Variants in KNDC1 observed in about 807,000 individuals in gnomAD.
The protein encoded by KNDC1 is kinase non-catalytic C-lobe domain containing 1.
Under a neutral mutation model 172.8 loss-of-function variants are expected in KNDC1, and 106 were observed. That is an observed-to-expected ratio of 0.61 (90% CI 0.52 to 0.72). The LOEUF (loss-of-function observed/expected upper bound fraction) is 0.72, where lower values mean the gene tolerates loss of function less well. KNDC1 is among the 30% of genes least tolerant of loss of function. The pLI, the probability that KNDC1 is intolerant of heterozygous loss-of-function variation, is 0.00. For missense variants in KNDC1, 2,325 were observed against 2,394.5 expected (o/e 0.97, Z 0.61); for synonymous variants, 1,083 against 1,062.2 (o/e 1.02, Z -0.38).
chr10:133,202,815 C>T (rs964116328), intron 17 of KNDC1: 47 of 379,300 alleles, frequency 1.2e-4, no homozygotes, highest in Admixed American at 1.2e-4. Flanking sequence ...GAAAGACCCG[C>T]ATGGTGCTAC....
intron 5 of KNDC1, 98 bp downstream of exon 5, chr10:133,184,087 C>A: frequency 1.6e-6 from 1 of 628,710 alleles, no homozygotes; most frequent in South Asian, 2.2e-5. Context: ...CATGCACACA[C>A]ACACACTGCA....
chr10:133,168,942 C>T (rs535114687), intron 3 of KNDC1, among the ~76,000 whole-genome samples: 35 of 152,354 alleles, frequency 2.3e-4, no homozygotes, highest in South Asian at 8.3e-4. Flanking sequence ...CCTGTGTGGC[C>T]GGCTGGAGAG....
At chr10:133,189,121 C>T (rs1390025271) in intron 7 of KNDC1, among the ~76,000 whole-genome samples, 1 of 152,188 alleles carries the variant, frequency 6.6e-6, no homozygotes, top group African/African-American at 2.4e-5. Flanking sequence ...CTAGCCCTGC[C>T]AGACATCAGG....
At position 133,163,138 on chromosome 10, in the gene KNDC1, A is replaced by T. The variant is rs1853030382; in HGVS notation, c.102+2569A>T. On this transcript the variant is annotated intron_variant, in intron 1 of 29. Transcript: ENST00000304613. The surrounding 1 kb of genome is among the most constrained non-coding windows in gnomAD (Gnocchi z 4.4). The stretch of plus-strand genomic sequence containing the variant: ...AATCCAGGCAGAACAGCGGCTGCAG[A>T]AGAGGCACACAGTCCAGGCGGCTGG... 6.6e-6 allele frequency among the ~76,000 whole-genome samples: 1 copy of T among 152,208 alleles called. No individual in the cohort carries two copies. Among genetic ancestry groups the T allele is most frequent in the Admixed American group, 6.5e-5 (1 of 15,280 alleles).
intron 4 of KNDC1, 61 bp downstream of exon 4, chr10:133,183,551 C>T (rs1289131929): frequency 3.8e-5 from 57 of 1,501,784 alleles, no homozygotes; most frequent in Non-Finnish European, 3.8e-5. Flanking sequence ...GCCTGGACAC[C>T]GTGTGCTCAC....
chr10:133,166,093 G>A (rs919727579), intron 1 of KNDC1, among the ~76,000 whole-genome samples: 19 of 152,220 alleles, frequency 1.2e-4, no homozygotes, highest in African/African-American at 4.3e-4. Flanking sequence ...CCTGTGCCTG[G>A]GGGGCCTCTT....
At position 133,163,109 on chromosome 10, in the gene KNDC1, G is replaced by T. The variant is rs1328762624; in HGVS notation, c.102+2540G>T. On this transcript the variant is annotated intron_variant, in intron 1 of 29. Coordinates refer to ENST00000304613, the MANE Select transcript of KNDC1 (RefSeq NM_152643.8). The surrounding 1 kb of genome is among the most constrained non-coding windows in gnomAD (Gnocchi z 4.4). Reference sequence around the variant, plus strand: ...GGGGTATGGGATCTGAGGCAGAACAGTGCAATCCAGGCAGAACAGCGGCTG... The same window carrying T: ...GGGGTATGGGATCTGAGGCAGAACATTGCAATCCAGGCAGAACAGCGGCTG... Among the ~76,000 whole-genome samples, 1 of 152,222 alleles carries T rather than the reference G, an allele frequency of 6.6e-6. No individual in the cohort carries two copies. The highest frequency in any genetic ancestry group is 1.5e-5 in the Non-Finnish European group (1 of 68,040).
At position 133,213,810 on chromosome 10, in the gene KNDC1, C is replaced by G. The variant is rs553496405; in HGVS notation, c.4526+83C>G. ...TAAGAGTCTTGTGGACGCTCCTGAC[C>G]AGCAGGAGATGCCTGTGTCTCCAGA... On this transcript the variant is annotated intron_variant, in intron 25 of 29. Coordinates refer to ENST00000304613, the MANE Select transcript of KNDC1 (RefSeq NM_152643.8). The G allele has an allele frequency of 4.6e-4, 664 of 1,448,630 alleles. 1 individual carries two copies. The highest frequency in any genetic ancestry group is 1.1e-3 in the Admixed American group (63 of 58,390). 89.7% of individuals were successfully genotyped at this position (1,448,630 alleles called of 1,614,324 possible).
At chr10:133,175,324 G>A (rs1250957920) in intron 3 of KNDC1, among the ~76,000 whole-genome samples, 1 of 140,774 alleles carries the variant, frequency 7.1e-6, no homozygotes, top group Non-Finnish European at 1.6e-5. Context: ...ATAGGTAGAT[G>A]GACATGTGGT....
chr10:133,160,556 TC>T lies in KNDC1; in HGVS notation c.93del (p.Glu32ArgfsTer83). Reference protein sequence around the residue: ...DFYDFEPLPTLPEDEENVSLA... With the variant: ...DFYDFEPLPTXPEDEENVSLA... ...TACGACTTCGAGCCGCTGCCCACCC[TC>T]CCCGAGGACGAGGTGAGCCCCCGGC... On this transcript the variant is annotated frameshift_variant, in exon 1 of 30. Coordinates refer to ENST00000304613, the MANE Select transcript of KNDC1 (RefSeq NM_152643.8). LOFTEE classifies it high-confidence loss of function. The T allele has an allele frequency of 6.3e-7, 1 of 1,577,480 alleles. No individual in the cohort carries two copies.
intron 26 of KNDC1, among the ~76,000 whole-genome samples, chr10:133,215,957 C>T (rs999707771): frequency 2.0e-5 from 3 of 152,238 alleles, no homozygotes; most frequent in East Asian, 3.8e-4. Context: ...CTCACGGGAG[C>T]GGACGGACCT....
intron 5 of KNDC1, among the ~76,000 whole-genome samples, chr10:133,185,749 G>C (rs1350197630): frequency 1.4e-5 from 2 of 148,104 alleles, no homozygotes; most frequent in Non-Finnish European, 3.0e-5. Flanking sequence ...TAATTAGCCA[G>C]GATGACCTGA....
At position 133,189,651 on chromosome 10, in the gene KNDC1, C is replaced by G. The variant is rs751130666; in HGVS notation, c.1495C>G (p.Gln499Glu). 8.7e-6 allele frequency: 14 copies of G among 1,613,904 alleles called. No individual in the cohort carries two copies. The highest frequency in any genetic ancestry group is 1.6e-4 in the Middle Eastern group (1 of 6,062). Residue 499 changes from glutamine (Q) to glutamate (E), a missense_variant, in exon 8 of 30, where the codon CAG (glutamine) becomes GAG (glutamate). Physicochemically the swap from Gln to Glu is conservative, Grantham distance 29. Transcript: ENST00000304613. Reference sequence around the variant, plus strand: ...TGCTGAGGACGGGGCTGTGCTCTTCCAGCCACCCCCTGCCAACGGTGAGTG... The same window carrying G: ...TGCTGAGGACGGGGCTGTGCTCTTCGAGCCACCCCCTGCCAACGGTGAGTG... ...LVAEDGAVLF[Q>E]PPPANGSYDS...
intron 1 of KNDC1, among the ~76,000 whole-genome samples, chr10:133,161,990 C>A (rs183930357): frequency 6.6e-6 from 1 of 152,336 alleles, no homozygotes; most frequent in Admixed American, 6.5e-5. Context: ...GCTCCCCACC[C>A]CCACGCACAC....
chr10:133,220,068 C>T lies in KNDC1; in HGVS notation c.4974C>T (p.Gly1658=), dbSNP rs1304666151. The T allele has an allele frequency of 1.9e-6, 3 of 1,566,210 alleles. No individual in the cohort carries two copies. The highest frequency in any genetic ancestry group is 1.7e-4 in the Middle Eastern group (1 of 6,008). ...LAMHIQQLET[G]GFTMTNGAHR... is the part of the protein sequence containing the mutation. ...TGCACATCCAGCAGCTGGAGACAGG[C>T]GGCTTCACCATGACCAACGGGGCCC... is the stretch of plus-strand genomic sequence containing the variant. Residue 1658 remains glycine, a synonymous_variant, in exon 29 of 30, where the codon GGC becomes GGT. Transcript: ENST00000304613.
At chr10:133,166,756 G>T (rs1346176156) in intron 1 of KNDC1, among the ~76,000 whole-genome samples, 1 of 151,592 alleles carries the variant, frequency 6.6e-6, no homozygotes, top group Non-Finnish European at 1.5e-5. Flanking sequence ...CATGGGGGGG[G>T]TGTGGGTGTT....
In KNDC1 at chr10:133,209,261, C is replaced by T. The variant is rs567968239; in HGVS notation, c.3795-1350C>T. Among the ~76,000 whole-genome samples, 7 of 131,224 alleles carry T rather than the reference C, an allele frequency of 5.3e-5. No individual in the cohort carries two copies. In the East Asian group the frequency reaches 7.2e-4, roughly 14 times the overall value. 86.1% of individuals were successfully genotyped at this position (131,224 alleles called of 152,430 possible). A position where few individuals can be genotyped will look rare whatever the true frequency, so the allele number is the denominator to read the frequency against. On this transcript the variant is annotated intron_variant, in intron 20 of 29. Transcript: ENST00000304613. This position sits in a 1 kb window ranked among gnomAD's most constrained non-coding sequence, Gnocchi z 4.9. The stretch of plus-strand genomic sequence containing the variant: ...ATGCACATGTGTGGTGTGTGGTATG[C>T]GGTAGTGTGTGTGTGGTGTGTGGAG...
chr10:133,212,691 C>T (rs768240013), intron 23 of KNDC1, 25 bp from the exon 24 acceptor site: 1 of 1,605,208 alleles, frequency 6.2e-7, no homozygotes. Context: ...AGCTTAGGCC[C>T]CTCAGTGCCC....
At position 133,211,863 on chromosome 10, in the gene KNDC1, G is replaced by A; in HGVS notation, c.4236+5G>A. On this transcript the variant is annotated splice_donor_5th_base_variant and intron_variant, in intron 23 of 29. Transcript: ENST00000304613. ...GAGGACGGCATCTCCAGGAAGGTGG[G>A]GTCCTTTCTCAGGGGAGGTCCTCCC... The A allele has an allele frequency of 6.2e-7, 1 of 1,602,620 alleles. No individual in the cohort carries two copies. The highest frequency in any genetic ancestry group is 8.5e-7 in the Non-Finnish European group (1 of 1,177,758).
Sources: allele counts gnomAD v4.1 joint callset (sites outside exome capture counted in the v4.1 genomes callset), GRCh38; gene constraint gnomAD v4.1.1; non-coding constraint Gnocchi (gnomAD v3.1); transcripts MANE v1.5; gene names NCBI Gene and HGNC (gene_info 2026-07-23, HGNC 2026-07-21).